DMTN: variants seen among roughly 807,000 people sequenced by gnomAD.
The protein encoded by DMTN is dematin actin binding protein.
Under a neutral mutation model 59.4 loss-of-function variants are expected in DMTN, and 27 were observed. That is an observed-to-expected ratio of 0.45 (90% CI 0.33 to 0.63). The LOEUF (loss-of-function observed/expected upper bound fraction) is 0.63. DMTN is among the 20% of genes least tolerant of loss of function. DMTN has a pLI of 0.02. For missense variants in DMTN, 451 were observed against 528.9 expected, an observed-to-expected ratio of 0.85 and a Z score of 1.45; for synonymous variants, 221 against 203.7, an observed-to-expected ratio of 1.08 and a Z score of -0.72.
At chr8:22,079,265 A>T (rs1455178057) in intron 10 of DMTN, among the ~76,000 whole-genome samples, 200 of 19,474 alleles carry the variant, frequency 0.01, 1 homozygote, top group Admixed American at 0.055. Context: ...AAAATAAATA[A>T]ATAAATAAAT....
rs758483118 is a variant in DMTN at position 22,082,121 on chromosome 8, G to C, written c.*658G>C. On this transcript the variant is annotated 3_prime_UTR_variant, in exon 16 of 16. Coordinates refer to ENST00000358242, the MANE Select transcript of DMTN (RefSeq NM_001387751.1). ...TACACACGATCCTGGCCCTCCACCT[G>C]CCTCCAGGCCACGAAATGGGAATTC... The C allele has an allele frequency of 2.2e-6, 1 of 456,400 alleles. No homozygotes were observed. Among genetic ancestry groups the C allele is most frequent in the Admixed American group, 2.3e-5 (1 of 42,580 alleles). 28.3% of individuals were successfully genotyped at this position (456,400 alleles called of 1,614,324 possible).
intron 8 of DMTN, among the ~76,000 whole-genome samples, chr8:22,071,082 T>TTTTATTTA (rs10579808): frequency 7.3e-5 from 5 of 68,952 alleles, no homozygotes; most frequent in African/African-American, 1.5e-4. Flanking sequence ...TGTATTTTTA[T>TTTTATTTA]TTTATTTATT....
intron 10 of DMTN, among the ~76,000 whole-genome samples, chr8:22,078,984 G>A (rs567215002): frequency 2.0e-5 from 3 of 151,422 alleles, no homozygotes; most frequent in Admixed American, 1.3e-4. Context: ...ATTTTTAGTC[G>A]AGACGGGGTT....
Position 22,069,492 on chromosome 8 carries a change from C to G in DMTN, c.368C>G (p.Thr123Ser), listed in dbSNP as rs1157268378. 1.2e-6 allele frequency: 2 copies of G among 1,606,274 alleles called. No individual in the cohort carries two copies. The highest frequency in any genetic ancestry group is 2.7e-5 in the African/African-American group (2 of 74,358). ...CCCAGAACCACTGGAACCCCCCGGA[C>G]CAGCCTGCCCCATTTCCACCACCCT... ...SAPRTTGTPR[T>S]SLPHFHHPET... Residue 123 changes from threonine to serine, a missense_variant, in exon 6 of 16, where the codon ACC (threonine) becomes AGC (serine). Transcript: ENST00000358242.
At chr8:22,062,722 G>A (rs1468101992) in intron 1 of DMTN, among the ~76,000 whole-genome samples, 5 of 149,926 alleles carry the variant, frequency 3.3e-5, no homozygotes, top group South Asian at 4.2e-4. Context: ...CATTCGAGCT[G>A]GAGGAAAAGC....
rs564486599 is a variant in DMTN at position 22,057,624 on chromosome 8, G to A, written c.-172+488G>A. On this transcript the variant is annotated intron_variant, in intron 1 of 15. Transcript: ENST00000358242. ...GAGGAGAGCCTGCCCCCAGCCAGTG[G>A]CTGGCCAGGCTGGGGTGGGGCTGAG... Among the ~76,000 whole-genome samples the A allele has an allele frequency of 8.5e-5, 13 of 152,296 alleles. No homozygotes were observed. In the East Asian group the frequency reaches 2.5e-3, roughly 29 times the overall value.
intron 10 of DMTN, among the ~76,000 whole-genome samples, chr8:22,078,828 G>A (rs1362341108): frequency 8.1e-6 from 1 of 123,506 alleles, no homozygotes; most frequent in Non-Finnish European, 1.6e-5. Flanking sequence ...ATGGAGTCTC[G>A]CTCTATCACC....
At position 22,066,930 on chromosome 8, in the gene DMTN, C is replaced by T. The variant is rs560047010; in HGVS notation, c.18+37C>T. 0.012 allele frequency: 15,088 copies of T among 1,230,354 alleles called. 106 individuals carry two copies. Among genetic ancestry groups the T allele is most frequent in the Non-Finnish European group, 0.014 (13,403 of 985,216 alleles). The allele number at this position is 1,230,354 out of a possible 1,614,324, so 76.2% of individuals were successfully genotyped here. On this transcript the variant is annotated intron_variant, in intron 2 of 15. Transcript: ENST00000358242. The stretch of plus-strand genomic sequence containing the variant: ...CGCCCCGGGCCGGGGCCGCCGAGGG[C>T]GGGTGGGGGCCGCTTGGGAGTCCAG...
At chr8:22,072,776 A>AG (rs1816742358) in intron 9 of DMTN, among the ~76,000 whole-genome samples, 1 of 151,700 alleles carries the variant, frequency 6.6e-6, no homozygotes, top group Admixed American at 6.6e-5. Flanking sequence ...TGCCCAGCCC[A>AG]CCCTGTGTGT....
rs1411096952 is a variant in DMTN, at chr8:22,060,957, G to A, written c.-172+3821G>A. On this transcript the variant is annotated intron_variant, in intron 1 of 15. Coordinates refer to ENST00000358242, the MANE Select transcript of DMTN (RefSeq NM_001387751.1). This position sits in a 1 kb window ranked among gnomAD's most constrained non-coding sequence, Gnocchi z 5.0. ...CTCGCCAATCCAAGCCAACCCACAAGATTGGAATGTAAGGGTTAAATTGAA... is the reference window on the plus strand; with the variant it reads ...CTCGCCAATCCAAGCCAACCCACAAAATTGGAATGTAAGGGTTAAATTGAA... Among the ~76,000 whole-genome samples the A allele has an allele frequency of 4.6e-5, 7 of 152,178 alleles. No homozygotes were observed. In the East Asian group the frequency reaches 1.3e-3, roughly 29 times the overall value.
chr8:22,054,125 G>GAC (rs1161364821), upstream of DMTN, among the ~76,000 whole-genome samples: 1,978 of 119,972 alleles, frequency 0.016, 36 homozygotes, highest in African/African-American at 0.067. Flanking sequence ...CACACACACA[G>GAC]ACACACACAC....
intron 10 of DMTN, among the ~76,000 whole-genome samples, chr8:22,075,539 T>TTTA (rs10669729): frequency 6.8e-5 from 10 of 147,538 alleles, no homozygotes; most frequent in African/African-American, 2.5e-4. Context: ...TTTTTTTTTT[T>TTTA]AGACAGAGTC....
At chr8:22,081,268 C>T in intron 15 of DMTN, 75 bp downstream of exon 15, 1 of 1,597,032 alleles carries the variant, frequency 6.3e-7, no homozygotes, top group Non-Finnish European at 8.6e-7. Context: ...AGATCTGGGG[C>T]CTCTATGAGT....
Position 22,069,033 on chromosome 8 carries a change from A to G in DMTN, c.267A>G (p.Lys89=), listed in dbSNP as rs769555262. The G allele has an allele frequency of 6.2e-7, 1 of 1,612,216 alleles. No individual in the cohort carries two copies. Among genetic ancestry groups the G allele is most frequent in the Non-Finnish European group, 8.5e-7 (1 of 1,179,062 alleles). ...ATTCACAGCGCTCGCTGTCACCCAA[A>G]TCCACATCCCCCCCACCATCCCCAG... ...PRSRERSLSP[K]STSPPPSPEV... The change falls in exon 5 of 16, where the codon AAA becomes AAG. Residue 89 remains lysine (K), a synonymous_variant. Transcript: ENST00000358242.
chr8:22,077,632 T>C (rs1820781878), intron 10 of DMTN, among the ~76,000 whole-genome samples: 1 of 152,242 alleles, frequency 6.6e-6, no homozygotes, highest in Admixed American at 6.5e-5. Flanking sequence ...ATTAGCTCTT[T>C]AACTTCCATT....
At chr8:22,076,552 G>C (rs73545586) in intron 10 of DMTN, among the ~76,000 whole-genome samples, 5,611 of 152,016 alleles carry the variant, frequency 0.037, 229 homozygotes, top group African/African-American at 0.1. Context: ...CTGGGTGACA[G>C]AGTGGGATCC....
intron 10 of DMTN, 67 bp downstream of exon 10, chr8:22,073,902 T>C: frequency 7.5e-7 from 1 of 1,335,358 alleles, no homozygotes; most frequent in Non-Finnish European, 1.1e-6. Flanking sequence ...GTGCATCTGT[T>C]GACTTGTGAC....
intron 1 of DMTN, chr8:22,057,885 A>T (rs1803585164): frequency 6.6e-6 from 1 of 152,542 alleles, no homozygotes; most frequent in South Asian, 2.1e-4. Flanking sequence ...TGTGAGAGTC[A>T]GGGGAGCAGG....
At chr8:22,073,635 A>G (rs1299153754) in intron 9 of DMTN, 95 bp from the exon 10 acceptor site, 2 of 7,370 alleles carry the variant, frequency 2.7e-4, no homozygotes, top group African/African-American at 1.1e-3. Flanking sequence ...TGTCTCAAAA[A>G]AAAAAAAAAA....
Sources: gnomAD v4.1 joint callset for allele counts (sites outside exome capture counted in the v4.1 genomes callset) on GRCh38, gnomAD v4.1.1 for gene constraint, Gnocchi (gnomAD v3.1) non-coding constraint, MANE v1.5 for transcripts, NCBI Gene and HGNC (gene_info 2026-07-23, HGNC 2026-07-21) for gene names.